PTPRN2: variants seen among roughly 807,000 people sequenced by gnomAD.
PTPRN2 encodes the protein receptor-type tyrosine-protein phosphatase N2.
In PTPRN2, 74 loss-of-function variants were observed where a neutral mutation model predicts 118.8. The observed-to-expected ratio is 0.62, with a 90% CI of 0.52 to 0.76. The LOEUF (loss-of-function observed/expected upper bound fraction) is 0.76. Ranked by LOEUF, PTPRN2 falls within the 30% of genes least tolerant of loss-of-function variation. The pLI, the probability that PTPRN2 is intolerant of heterozygous loss-of-function variation, is 0.00. For synonymous variants in PTPRN2, 641 were observed against 608.0 expected (o/e 1.05, Z -0.80); for missense variants, 1,481 against 1,394.4 (o/e 1.06, Z -0.99).
At chr7:158,065,455 G>T (rs563534724) in intron 11 of PTPRN2, among the ~76,000 whole-genome samples, 1 of 152,390 alleles carries the variant, frequency 6.6e-6, no homozygotes, top group African/African-American at 2.4e-5. Context: ...TCCAGAAGCA[G>T]CTGTGTTCAC....
intron 11 of PTPRN2, among the ~76,000 whole-genome samples, chr7:158,051,933 G>A (rs1223084791): frequency 2.6e-5 from 4 of 152,198 alleles, no homozygotes; most frequent in Non-Finnish European, 5.9e-5. Flanking sequence ...GAGCGAGGAA[G>A]AGGGAAAAGG....
At chr7:158,268,963 T>C (rs1406898938) in intron 3 of PTPRN2, among the ~76,000 whole-genome samples, 1 of 152,126 alleles carries the variant, frequency 6.6e-6, no homozygotes, top group African/African-American at 2.4e-5. Flanking sequence ...AGCCACATTG[T>C]TGTTGAAAGC....
chr7:157,683,805 C>A (rs567189008), intron 12 of PTPRN2, among the ~76,000 whole-genome samples: 1 of 152,248 alleles, frequency 6.6e-6, no homozygotes, highest in Admixed American at 6.5e-5. Flanking sequence ...ATTAAGGACG[C>A]CACAGGAAAA....
At chr7:158,187,327 C>T (rs1398209706) in intron 5 of PTPRN2, among the ~76,000 whole-genome samples, 1 of 152,138 alleles carries the variant, frequency 6.6e-6, no homozygotes, top group Non-Finnish European at 1.5e-5. Context: ...ATGATGGGTA[C>T]ATAGAAAACA....
At chr7:158,355,528 C>T (rs1808320244) in intron 2 of PTPRN2, among the ~76,000 whole-genome samples, 1 of 152,240 alleles carries the variant, frequency 6.6e-6, no homozygotes, top group Admixed American at 6.5e-5. Flanking sequence ...TGCAGTGCAG[C>T]CCTGCAATGG....
At chr7:157,835,829 A>C (rs749515014) in intron 12 of PTPRN2, among the ~76,000 whole-genome samples, 1 of 152,034 alleles carries the variant, frequency 6.6e-6, no homozygotes, top group Non-Finnish European at 1.5e-5. Context: ...AATAACAAAT[A>C]AAAACTTGTG....
chr7:157,853,105 G>C (rs868431001), intron 12 of PTPRN2, among the ~76,000 whole-genome samples: 32 of 152,250 alleles, frequency 2.1e-4, no homozygotes, highest in Middle Eastern at 3.4e-3. Context: ...ATGGGTATTT[G>C]GGTCTTTCTT....
chr7:158,262,415 C>T (rs890465172), intron 3 of PTPRN2, among the ~76,000 whole-genome samples: 3 of 147,618 alleles, frequency 2.0e-5, no homozygotes, highest in Non-Finnish European at 4.5e-5. Context: ...CACATACATA[C>T]ATTCACACAC....
intron 13 of PTPRN2, among the ~76,000 whole-genome samples, chr7:157,662,242 T>C (rs1174577039): frequency 1.3e-5 from 2 of 152,108 alleles, no homozygotes; most frequent in Non-Finnish European, 2.9e-5. Context: ...ATGCTTAGAG[T>C]GAGGCTTTGG....
intron 1 of PTPRN2, among the ~76,000 whole-genome samples, chr7:158,490,069 T>C (rs1821332206): frequency 6.6e-6 from 1 of 152,090 alleles, no homozygotes; most frequent in Non-Finnish European, 1.5e-5. Context: ...CACAGGAGAC[T>C]CTCTGGCCGC....
At chr7:157,982,177 T>G (rs538205697) in intron 11 of PTPRN2, among the ~76,000 whole-genome samples, 5 of 126,220 alleles carry the variant, frequency 4.0e-5, no homozygotes, top group Non-Finnish European at 6.9e-5. Flanking sequence ...AGGAGGGGAA[T>G]GCAGAGTGCA....
chr7:157,793,332 C>T (rs1804642497), intron 12 of PTPRN2, among the ~76,000 whole-genome samples: 1 of 152,214 alleles, frequency 6.6e-6, no homozygotes, highest in South Asian at 2.1e-4. Flanking sequence ...ACAGATGACC[C>T]TCGCGGCGGT....
intron 2 of PTPRN2, among the ~76,000 whole-genome samples, chr7:158,330,994 G>A (rs1194763793): frequency 8.1e-6 from 1 of 123,204 alleles, no homozygotes; most frequent in Non-Finnish European, 1.7e-5. Flanking sequence ...CACCATAAGA[G>A]CTGACACCCG....
chr7:158,173,688 CT>C (rs1378613099), intron 5 of PTPRN2, among the ~76,000 whole-genome samples: 3 of 152,206 alleles, frequency 2.0e-5, no homozygotes, highest in Non-Finnish European at 4.4e-5. Context: ...AGAATTTCAT[CT>C]CTTATCTTCA....
chr7:157,793,169 C>G (rs1401961248), intron 12 of PTPRN2, among the ~76,000 whole-genome samples: 1 of 150,648 alleles, frequency 6.6e-6, no homozygotes, highest in East Asian at 1.9e-4. Context: ...CCAGGACGGG[C>G]TCAGGCACAG....
chr7:157,803,672 T>C (rs10228082), intron 12 of PTPRN2, among the ~76,000 whole-genome samples: 50,933 of 152,028 alleles, frequency 0.34, 10,493 homozygotes, highest in African/African-American at 0.58. Flanking sequence ...CCCCAGCACC[T>C]GTGAAGAGGC....
intron 3 of PTPRN2, among the ~76,000 whole-genome samples, chr7:158,238,468 T>C (rs1795693373): frequency 6.6e-6 from 1 of 152,312 alleles, no homozygotes; most frequent in East Asian, 1.9e-4. Flanking sequence ...GAAACCTTTC[T>C]TCCGCCCTCA....
At chr7:158,094,355 G>T (rs62480184) in intron 10 of PTPRN2, among the ~76,000 whole-genome samples, 38,126 of 152,058 alleles carry the variant, frequency 0.25, 5,838 homozygotes, top group East Asian at 0.37. Flanking sequence ...TGTCACCCAG[G>T]CTGCAGTGCA....
Position 158,401,148 on chromosome 7 carries a change from C to T in PTPRN2, c.164-84216G>A, listed in dbSNP as rs577970461. 2.2e-4 allele frequency among the ~76,000 whole-genome samples: 33 copies of T among 152,306 alleles called. No homozygotes were observed. The East Asian group carries it at 5.4e-3, about 25-fold the overall frequency. On this transcript the variant is annotated intron_variant, in intron 2 of 22. Transcript: ENST00000389418. ...GAGGCAGCAGTGATGCCTGCGGTGC[C>T]AGGGGCTCTCCGGGTTCCTGACCCT... is the stretch of plus-strand genomic sequence containing the variant.
Sources: allele counts gnomAD v4.1 joint callset (sites outside exome capture counted in the v4.1 genomes callset), GRCh38; gene constraint gnomAD v4.1.1; transcripts MANE v1.5; gene names NCBI Gene and HGNC (gene_info 2026-07-23, HGNC 2026-07-21).